Variants in NAALADL2 observed in about 807,000 individuals in gnomAD.
NAALADL2 encodes the protein inactive N-acetylated-alpha-linked acidic dipeptidase-like protein 2.
NAALADL2 carries 76 observed loss-of-function variants against 87.2 expected under a neutral mutation model. That is an observed-to-expected ratio of 0.87 (90% CI 0.72 to 1.05). The LOEUF (loss-of-function observed/expected upper bound fraction) is 1.05. Among genes scored for constraint, NAALADL2 ranks in the 50% least tolerant of loss-of-function variants. The probability of loss-of-function intolerance (pLI) is 0.00; values close to 1 mark genes in which losing one functional copy is unlikely to be tolerated. For synonymous variants in NAALADL2, 354 were observed against 331.0 expected (o/e 1.07, Z -0.75); for missense variants, 1,089 against 945.8 (o/e 1.15, Z -1.99).
chr3:175,145,052 C>T (rs967480642), intron 2 of NAALADL2, among the ~76,000 whole-genome samples: 1 of 151,908 alleles, frequency 6.6e-6, no homozygotes, highest in Non-Finnish European at 1.5e-5. Context: ...TTCACACTTA[C>T]AAATTTTAAA....
chr3:174,553,152 T>C (rs553516881), intron 2 of NAALADL2, among the ~76,000 whole-genome samples: 39 of 152,318 alleles, frequency 2.6e-4, no homozygotes, highest in South Asian at 8.3e-4. Context: ...GTAGATGTTG[T>C]TGGAAATGCA....
chr3:175,263,380 G>A (rs1477504401), intron 4 of NAALADL2, among the ~76,000 whole-genome samples: 6 of 151,848 alleles, frequency 4.0e-5, no homozygotes, highest in Non-Finnish European at 8.8e-5. Flanking sequence ...TTCTATTCCT[G>A]TTTTTAAAGT....
intron 2 of NAALADL2, among the ~76,000 whole-genome samples, chr3:175,160,598 C>T (rs9815908): frequency 0.11 from 17,239 of 151,500 alleles, 1,114 homozygotes; most frequent in African/African-American, 0.16. Context: ...GTGATCCGCC[C>T]GCCTCGGCCT....
intron 2 of NAALADL2, among the ~76,000 whole-genome samples, chr3:175,115,640 A>G (rs1412933585): frequency 6.6e-6 from 1 of 151,688 alleles, no homozygotes; most frequent in Non-Finnish European, 1.5e-5. Flanking sequence ...TGCTAGGCAT[A>G]TGGGTTGTGA....
chr3:175,314,086 AAAAAG>A, intron 4 of NAALADL2, among the ~76,000 whole-genome samples: 1 of 151,416 alleles, frequency 6.6e-6, no homozygotes. Flanking sequence ...AAAAAAAAAA[AAAAAG>A]AAAAGTGAAA....
chr3:175,578,234 C>T (rs575270276), intron 10 of NAALADL2, among the ~76,000 whole-genome samples: 1 of 152,098 alleles, frequency 6.6e-6, no homozygotes, highest in South Asian at 2.1e-4. Flanking sequence ...GATACCTGGG[C>T]AACACGGTGA....
intron 2 of NAALADL2, among the ~76,000 whole-genome samples, chr3:174,678,899 T>C (rs1404277625): frequency 6.6e-6 from 1 of 152,220 alleles, no homozygotes; most frequent in East Asian, 1.9e-4. Context: ...CAACTATTTA[T>C]TACCTTAACT....
intron 1 of NAALADL2, among the ~76,000 whole-genome samples, chr3:175,039,429 GA>G (rs942067517): frequency 2.6e-5 from 4 of 152,036 alleles, no homozygotes; most frequent in African/African-American, 9.7e-5. Flanking sequence ...AACTGAATAG[GA>G]TACCTACACA....
At chr3:175,275,558 C>A (rs1314432748) in intron 4 of NAALADL2, among the ~76,000 whole-genome samples, 5 of 151,478 alleles carry the variant, frequency 3.3e-5, no homozygotes, top group Admixed American at 3.3e-4. Context: ...CATTTACAGG[C>A]AGATGGCAGT....
chr3:175,256,439 T>C lies in NAALADL2; in HGVS notation c.848T>C (p.Met283Thr), dbSNP rs1385101934. 1 of 1,611,332 alleles carries C rather than the reference T, an allele frequency of 6.2e-7. No homozygotes were observed. Among genetic ancestry groups the C allele is most frequent in the Non-Finnish European group, 8.5e-7 (1 of 1,178,660 alleles). ...GAAGTCATCGATGTGAGTTATGGAA[T>C]GGCAGATGATTTAAAAAGGATTAGG... is the stretch of plus-strand genomic sequence containing the variant. Reference protein sequence around the residue: ...KAEVIDVSYGMADDLKRIRKI... With the variant: ...KAEVIDVSYGTADDLKRIRKI... Residue 283 changes from methionine to threonine, a missense_variant, in exon 4 of 14, where the codon ATG becomes ACG. Coordinates refer to ENST00000454872, the MANE Select transcript of NAALADL2 (RefSeq NM_207015.3).
At chr3:175,190,981 CAAAAAAAAAAAAA>C (rs544760324) in intron 2 of NAALADL2, among the ~76,000 whole-genome samples, 3 of 102,090 alleles carry the variant, frequency 2.9e-5, no homozygotes, top group African/African-American at 1.3e-4. Flanking sequence ...GACTCCGTCT[CAAAAAAAAAAAAA>C]AAAAGAAAAA....
intron 3 of NAALADL2, among the ~76,000 whole-genome samples, chr3:174,765,390 T>A (rs539910328): frequency 3.3e-5 from 5 of 152,326 alleles, no homozygotes; most frequent in South Asian, 4.1e-4. Context: ...AGTTTTATAT[T>A]TATTACTAAA....
intron 6 of NAALADL2, among the ~76,000 whole-genome samples, chr3:175,459,347 A>C (rs1456506549): frequency 6.6e-6 from 1 of 152,118 alleles, no homozygotes; most frequent in Non-Finnish European, 1.5e-5. Context: ...ACAGCCATAG[A>C]TAGATGTAAC....
chr3:175,301,290 C>T (rs905406779), intron 4 of NAALADL2, among the ~76,000 whole-genome samples: 6 of 152,014 alleles, frequency 3.9e-5, no homozygotes, highest in South Asian at 2.1e-4. Context: ...CCAAACCCCC[C>T]GACAGGGATA....
At chr3:174,848,812 C>A in intron 3 of NAALADL2, among the ~76,000 whole-genome samples, 1 of 152,064 alleles carries the variant, frequency 6.6e-6, no homozygotes, top group East Asian at 1.9e-4. Context: ...CTTCATAGAG[C>A]AAACATTATA....
intron 1 of NAALADL2, among the ~76,000 whole-genome samples, chr3:174,544,347 A>G (rs931952344): frequency 1.3e-5 from 2 of 152,110 alleles, no homozygotes; most frequent in African/African-American, 4.8e-5. Context: ...TTTTACATTT[A>G]TAACTATGTG....
At chr3:174,497,886 A>G (rs1560016126) in intron 1 of NAALADL2, among the ~76,000 whole-genome samples, 1 of 152,172 alleles carries the variant, frequency 6.6e-6, no homozygotes, top group Non-Finnish European at 1.5e-5. Flanking sequence ...GATATACCTG[A>G]TAAGTGATAT....
chr3:174,608,071 G>A (rs1055241713), intron 2 of NAALADL2, among the ~76,000 whole-genome samples: 1 of 152,048 alleles, frequency 6.6e-6, no homozygotes, highest in South Asian at 2.1e-4. Context: ...TGACTACTGG[G>A]TACATAACGA....
intron 4 of NAALADL2, among the ~76,000 whole-genome samples, chr3:175,323,566 T>A (rs1263643141): frequency 1.3e-5 from 2 of 151,828 alleles, no homozygotes; most frequent in African/African-American, 4.8e-5. Context: ...ATCCACTTAG[T>A]TAAAAATCAG....
Sources: gnomAD v4.1 joint callset for allele counts (sites outside exome capture counted in the v4.1 genomes callset) on GRCh38, gnomAD v4.1.1 for gene constraint, MANE v1.5 for transcripts, NCBI Gene and HGNC (gene_info 2026-07-23, HGNC 2026-07-21) for gene names.